The following MINDY3 variants were observed in gnomAD, a reference collection of about 807,000 sequenced individuals.
MINDY3 encodes MINDY lysine 48 deubiquitinase 3.
MINDY3 carries 38 observed loss-of-function variants against 69.2 expected under a neutral mutation model. The ratio of observed to expected loss-of-function variants is 0.55; its 90% CI spans 0.42 to 0.72. The LOEUF is 0.72. MINDY3 is among the 30% of genes least tolerant of loss of function. MINDY3 has a pLI of 0.00. For missense variants in MINDY3, 522 were observed against 519.0 expected, an observed-to-expected ratio of 1.01 and a Z score of -0.06; for synonymous variants, 192 against 180.1, an observed-to-expected ratio of 1.07 and a Z score of -0.53.
intron 10 of MINDY3, among the ~76,000 whole-genome samples, chr10:15,799,895 A>T (rs1588538337): frequency 6.6e-6 from 1 of 152,288 alleles, no homozygotes; most frequent in East Asian, 1.9e-4. Context: ...CTCGTGAGCT[A>T]TTAGAAATAG....
chr10:15,841,475 A>T lies in MINDY3; in HGVS notation c.360T>A (p.Ala120=). The stretch of plus-strand genomic sequence containing the variant: ...ACTCTGCAGGACTCCCAGAAATACT[A>T]GCAGTTTCCTCAGTTGTCTTTCCTC... ...WLRGKTTEET[A]SISGSPAESS... The change falls in exon 4 of 15, where the codon GCT becomes GCA. Residue 120 remains alanine (A), a synonymous_variant. Coordinates refer to ENST00000277632, the MANE Select transcript of MINDY3 (RefSeq NM_024948.4). 6.2e-7 allele frequency: 1 copy of T among 1,611,976 alleles called. No individual in the cohort carries two copies.
chr10:15,855,488 C>A (rs966791073), intron 1 of MINDY3, among the ~76,000 whole-genome samples: 2 of 152,030 alleles, frequency 1.3e-5, no homozygotes, highest in Admixed American at 6.6e-5. Context: ...TGAAATTACC[C>A]ATCTTAAAAC....
At chr10:15,804,211 A>G (rs1435104939) in intron 10 of MINDY3, among the ~76,000 whole-genome samples, 1 of 152,070 alleles carries the variant, frequency 6.6e-6, no homozygotes, top group Non-Finnish European at 1.5e-5. Flanking sequence ...ACTCAGCTTA[A>G]ATGCAGAGGG....
intron 14 of MINDY3, 33 bp downstream of exon 14, chr10:15,782,122 G>T (rs369350483): frequency 4.8e-5 from 71 of 1,485,112 alleles, no homozygotes; most frequent in Non-Finnish European, 6.6e-5. Flanking sequence ...CATCAACCCA[G>T]TTGAACACCG....
rs146275703 is a variant in MINDY3, at chr10:15,852,226, A to C, written c.95-4283T>G. Among the ~76,000 whole-genome samples, 8 of 152,230 alleles carry C rather than the reference A, an allele frequency of 5.3e-5. 1 individual carries two copies. The East Asian group carries it at 1.5e-3, about 29-fold the overall frequency. Reference sequence around the variant, plus strand: ...GTGTTACTGGTCATTGTTTTCCCACAGTATGTTTACAACATACTGTGGCTA... The same window carrying C: ...GTGTTACTGGTCATTGTTTTCCCACCGTATGTTTACAACATACTGTGGCTA... On this transcript the variant is annotated intron_variant, in intron 1 of 14. Transcript: ENST00000277632.
chr10:15,856,476 C>T (rs978870321), intron 1 of MINDY3, among the ~76,000 whole-genome samples: 6 of 151,188 alleles, frequency 4.0e-5, no homozygotes, highest in Admixed American at 6.6e-5. Context: ...CTCTCTCTGA[C>T]TAGTCTTTAG....
chr10:15,847,533 G>C (rs1833937451), intron 2 of MINDY3, among the ~76,000 whole-genome samples: 1 of 152,110 alleles, frequency 6.6e-6, no homozygotes, highest in Admixed American at 6.5e-5. Context: ...TACAATTACA[G>C]TGATTGTACC....
In MINDY3 at chr10:15,786,599, A is replaced by G; in HGVS notation, c.1078T>C (p.Leu360=). ...KLDPEGLGII[L]LGPFLQEFFP... ...AATTCTTGAAGAAATGGGCCCAATA[A>G]TATGATTCCTAATCCTTCTGGATCT... Residue 360 remains leucine, a synonymous_variant, in exon 13 of 15, where the codon TTA becomes CTA. Coordinates refer to ENST00000277632, the MANE Select transcript of MINDY3 (RefSeq NM_024948.4). 6 of 1,593,370 alleles carry G rather than the reference A, an allele frequency of 3.8e-6. No individual in the cohort carries two copies. Among genetic ancestry groups the G allele is most frequent in the Non-Finnish European group, 5.2e-6 (6 of 1,162,372 alleles).
chr10:15,829,540 T>TAA (rs1299263677), intron 8 of MINDY3, among the ~76,000 whole-genome samples: 1 of 152,204 alleles, frequency 6.6e-6, no homozygotes, highest in African/African-American at 2.4e-5. Flanking sequence ...AACATAGGGT[T>TAA]GAGTACGAAC....
intron 3 of MINDY3, among the ~76,000 whole-genome samples, chr10:15,841,894 T>C (rs1045283134): frequency 2.6e-5 from 4 of 151,752 alleles, no homozygotes; most frequent in Admixed American, 6.6e-5. Flanking sequence ...CATCACTTTC[T>C]TAAAACTTTA....
At chr10:15,840,234 C>A (rs1261313218) in intron 4 of MINDY3, among the ~76,000 whole-genome samples, 1 of 151,682 alleles carries the variant, frequency 6.6e-6, no homozygotes, top group African/African-American at 2.4e-5. Flanking sequence ...TAAAACCAAT[C>A]TTAGTGACAC....
At position 15,821,730 on chromosome 10, in the gene MINDY3, CAAA is replaced by C; in HGVS notation, c.731-7_731-5del. 2 of 1,606,486 alleles carry C rather than the reference CAAA, an allele frequency of 1.2e-6. No individual in the cohort carries two copies. The highest frequency in any genetic ancestry group is 1.7e-6 in the Non-Finnish European group (2 of 1,177,698). ...TGTTCATGTATACCAAGAAGTTCTG[CAAA>C]AAACAACAACAACAACAAAAAACGA... On this transcript the variant is annotated splice_polypyrimidine_tract_variant and splice_region_variant and intron_variant, in intron 8 of 14. Transcript: ENST00000277632.
In MINDY3 at chr10:15,779,072, G is replaced by T. The variant is rs1291454195; in HGVS notation, c.1258C>A (p.Pro420Thr). ...TTGGTTTGCAGACAGCGTTTAATAG[G>T]AGTGTCATCTGTCTGTAGCATGGGA... ...EDPMLQTDDT[P>T]IKRCLQTKWP... The change falls in exon 15 of 15, where the codon CCT (proline) becomes ACT (threonine). Residue 420 changes from proline (P) to threonine (T), a missense_variant. Pro to Thr is a conservative substitution (Grantham distance 38, BLOSUM62 -1). Coordinates refer to ENST00000277632, the MANE Select transcript of MINDY3 (RefSeq NM_024948.4). 1 of 1,613,524 alleles carries T rather than the reference G, an allele frequency of 6.2e-7. No homozygotes were observed. Among genetic ancestry groups the T allele is most frequent in the South Asian group, 1.1e-5 (1 of 91,052 alleles).
intron 10 of MINDY3, among the ~76,000 whole-genome samples, chr10:15,802,591 T>G (rs1431804229): frequency 6.6e-6 from 1 of 152,074 alleles, no homozygotes; most frequent in Non-Finnish European, 1.5e-5. Flanking sequence ...CCAAATCATA[T>G]CAGGAATTAA....
At chr10:15,782,314 A>C in intron 13 of MINDY3, 88 bp from the exon 14 acceptor site, 1 of 910,894 alleles carries the variant, frequency 1.1e-6, no homozygotes, top group Non-Finnish European at 1.7e-6. Flanking sequence ...CATGTTTCTC[A>C]AATCCTTATC....
At chr10:15,814,282 C>T (rs1459903501) in intron 10 of MINDY3, among the ~76,000 whole-genome samples, 1 of 151,998 alleles carries the variant, frequency 6.6e-6, no homozygotes, top group Admixed American at 6.6e-5. Context: ...ACTGGGAACT[C>T]CTCTTAAAGG....
intron 1 of MINDY3, among the ~76,000 whole-genome samples, chr10:15,857,061 A>G (rs965242392): frequency 6.6e-6 from 1 of 152,186 alleles, no homozygotes; most frequent in African/African-American, 2.4e-5. Flanking sequence ...CATGTATAAG[A>G]TGAGTGAAAG....
chr10:15,848,511 G>T (rs778266988), intron 1 of MINDY3, among the ~76,000 whole-genome samples: 3 of 151,734 alleles, frequency 2.0e-5, no homozygotes, highest in Non-Finnish European at 2.9e-5. Context: ...GTGGGCAACT[G>T]TAGTCCCAGC....
chr10:15,832,309 A>G (rs1217882584), intron 8 of MINDY3, among the ~76,000 whole-genome samples: 1 of 152,122 alleles, frequency 6.6e-6, no homozygotes, highest in East Asian at 1.9e-4. Context: ...TTCCCTAATC[A>G]TATGAGATAA....
Sources: allele counts gnomAD v4.1 joint callset (sites outside exome capture counted in the v4.1 genomes callset), GRCh38; gene constraint gnomAD v4.1.1; transcripts MANE v1.5; gene names NCBI Gene and HGNC (gene_info 2026-07-23, HGNC 2026-07-21).